Variants in SLC30A7 observed in about 807,000 individuals in gnomAD.
SLC30A7 encodes the protein zinc transporter 7.
Under a neutral mutation model 46.0 loss-of-function variants are expected in SLC30A7, and 35 were observed. That is an observed-to-expected ratio of 0.76 (90% CI 0.58 to 1.01). SLC30A7 has a LOEUF of 1.01. SLC30A7 is among the 50% of genes least tolerant of loss of function. SLC30A7 has a pLI of 0.00. For missense variants in SLC30A7, 464 were observed against 451.1 expected (o/e 1.03, Z -0.26); for synonymous variants, 147 against 157.8 (o/e 0.93, Z 0.51).
intron 8 of SLC30A7, among the ~76,000 whole-genome samples, chr1:100,959,554 T>C (rs1343512602): frequency 6.6e-6 from 1 of 152,226 alleles, no homozygotes; most frequent in East Asian, 1.9e-4. Context: ...TTTTGGGCTG[T>C]TGAACTGAGG....
chr1:100,916,369 T>C (rs2101025380), intron 6 of SLC30A7, among the ~76,000 whole-genome samples: 1 of 152,182 alleles, frequency 6.6e-6, no homozygotes, highest in South Asian at 2.1e-4. Flanking sequence ...GTATTTTTAG[T>C]AGAGACGAGG....
chr1:100,915,380 C>G (rs929374972), intron 6 of SLC30A7, among the ~76,000 whole-genome samples: 3 of 151,984 alleles, frequency 2.0e-5, no homozygotes, highest in Admixed American at 2.0e-4. Context: ...ATCCCTAGGA[C>G]CTATTTATTT....
At chr1:100,927,557 C>T (rs1570542049) in intron 8 of SLC30A7, among the ~76,000 whole-genome samples, 2 of 152,086 alleles carry the variant, frequency 1.3e-5, no homozygotes, top group Admixed American at 1.3e-4. Flanking sequence ...AGTGTGATTG[C>T]CTGGCAGCAC....
downstream of SLC30A7, among the ~76,000 whole-genome samples, chr1:100,986,451 G>T (rs1558024585): frequency 2.6e-5 from 4 of 151,184 alleles, no homozygotes; most frequent in East Asian, 5.8e-4. Flanking sequence ...TATCAGAATA[G>T]TTCAAAATAC....
chr1:100,908,063 AG>A (rs1651798830), intron 3 of SLC30A7, among the ~76,000 whole-genome samples: 2 of 150,808 alleles, frequency 1.3e-5, no homozygotes, highest in African/African-American at 2.4e-5. Flanking sequence ...TCCCTTTCCA[AG>A]TCTCTCTTTC....
At chr1:100,898,460 A>T (rs530639966) in intron 2 of SLC30A7, among the ~76,000 whole-genome samples, 2 of 152,142 alleles carry the variant, frequency 1.3e-5, no homozygotes, top group Non-Finnish European at 2.9e-5. Flanking sequence ...AGTGCAGCTT[A>T]TATACTGTTT....
the SLC30A7 span, chr1:100,990,665 A>C: frequency 1.3e-6 from 2 of 1,591,602 alleles, no homozygotes; most frequent in South Asian, 1.1e-5. Context: ...TATTCAATTC[A>C]GCAAATGCAT....
chr1:100,928,050 C>T (rs969734731), intron 8 of SLC30A7, among the ~76,000 whole-genome samples: 10 of 152,022 alleles, frequency 6.6e-5, no homozygotes, highest in African/African-American at 2.4e-4. Context: ...GGATTGCCCA[C>T]ATGGATAATT....
intron 8 of SLC30A7, among the ~76,000 whole-genome samples, chr1:100,930,973 A>G (rs1653630194): frequency 6.6e-6 from 1 of 152,124 alleles, no homozygotes; most frequent in African/African-American, 2.4e-5. Flanking sequence ...CTATGTATCT[A>G]GAAAATTACA....
intron 10 of SLC30A7, among the ~76,000 whole-genome samples, chr1:100,973,192 A>G (rs112459623): frequency 5.4e-4 from 82 of 152,224 alleles, no homozygotes; most frequent in South Asian, 2.1e-4. Flanking sequence ...TCAGTATTGT[A>G]CAGAGCCCTC....
intron 8 of SLC30A7, among the ~76,000 whole-genome samples, chr1:100,934,741 T>C (rs911920344): frequency 2.0e-5 from 3 of 151,620 alleles, no homozygotes; most frequent in Admixed American, 6.6e-5. Flanking sequence ...TGCTTAGCAT[T>C]TTACATGTTC....
At chr1:100,929,260 C>A (rs144539423) in intron 8 of SLC30A7, among the ~76,000 whole-genome samples, 6 of 151,922 alleles carry the variant, frequency 3.9e-5, no homozygotes, top group Non-Finnish European at 7.4e-5. Context: ...TTGACTTAGA[C>A]TTTAAAAAAG....
chr1:100,896,427 G>C (rs1650935682), intron 1 of SLC30A7, 85 bp downstream of exon 1: 2 of 1,511,470 alleles, frequency 1.3e-6, no homozygotes, highest in South Asian at 1.1e-5. Flanking sequence ...GGTCCAGTGA[G>C]GGAGAGTCAA....
At chr1:100,951,594 G>A (rs1462258785) in intron 8 of SLC30A7, among the ~76,000 whole-genome samples, 1 of 152,172 alleles carries the variant, frequency 6.6e-6, no homozygotes, top group Non-Finnish European at 1.5e-5. Flanking sequence ...TGCCCAGTGT[G>A]CTCATGCCAG....
intron 9 of SLC30A7, among the ~76,000 whole-genome samples, chr1:100,965,316 G>A (rs1655803392): frequency 6.6e-6 from 1 of 152,140 alleles, no homozygotes; most frequent in Admixed American, 6.5e-5. Context: ...ATCAATATGG[G>A]GATGCAGAAC....
At chr1:100,934,911 G>A (rs1013942894) in intron 8 of SLC30A7, among the ~76,000 whole-genome samples, 14 of 151,970 alleles carry the variant, frequency 9.2e-5, no homozygotes, top group South Asian at 2.1e-4. Context: ...TGGGAAGATC[G>A]CTTGAGCTTG....
At chr1:100,938,080 A>G (rs1201367086) in intron 8 of SLC30A7, among the ~76,000 whole-genome samples, 1 of 152,182 alleles carries the variant, frequency 6.6e-6, no homozygotes, top group Admixed American at 6.5e-5. Context: ...TGTCTGTTCT[A>G]TCCCAGTGGT....
chr1:100,992,925 AT>A, the SLC30A7 span, among the ~76,000 whole-genome samples: 1 of 152,182 alleles, frequency 6.6e-6, no homozygotes, highest in Non-Finnish European at 1.5e-5. Context: ...AAGCTTTTTC[AT>A]TGTTCTAATT....
In SLC30A7 at chr1:100,896,276, C is replaced by G. The variant is rs1419319626; in HGVS notation, c.14C>G (p.Ser5Cys). Reference protein sequence around the residue: MLPLSIKDDEYKPPK... With the variant: MLPLCIKDDEYKPPK... ...CGGGCAGAGAAGATGTTGCCCCTGT[C>G]CATCAAAGACGATGAATACAAACCA... The change falls in exon 1 of 11, where the codon TCC becomes TGC. Residue 5 changes from serine to cysteine, a missense_variant. Transcript: ENST00000357650. 1 of 1,614,196 alleles carries G rather than the reference C, an allele frequency of 6.2e-7. No individual in the cohort carries two copies. Among genetic ancestry groups the G allele is most frequent in the Non-Finnish European group, 8.5e-7 (1 of 1,180,030 alleles).
Sources: allele counts gnomAD v4.1 joint callset (sites outside exome capture counted in the v4.1 genomes callset), GRCh38; gene constraint gnomAD v4.1.1; transcripts MANE v1.5; gene names NCBI Gene and HGNC (gene_info 2026-07-23, HGNC 2026-07-21).